CDC14A: variants seen among roughly 807,000 people sequenced by gnomAD.
CDC14A encodes dual specificity protein phosphatase CDC14A.
A neutral mutation model predicts 74.4 loss-of-function variants in CDC14A; 53 were observed. The ratio of observed to expected loss-of-function variants is 0.71; its 90% CI spans 0.57 to 0.89. The LOEUF (loss-of-function observed/expected upper bound fraction) is 0.89, where lower values mean the gene tolerates loss of function less well. CDC14A is among the 40% of genes least tolerant of loss of function. The probability of loss-of-function intolerance (pLI) is 0.00; values close to 1 mark genes in which losing one functional copy is unlikely to be tolerated. For missense variants in CDC14A, 646 were observed against 713.7 expected (o/e 0.91, Z 1.08); for synonymous variants, 247 against 258.4 (o/e 0.96, Z 0.43).
chr1:100,385,012 A>G (rs556700091), intron 3 of CDC14A, among the ~76,000 whole-genome samples: 1 of 152,350 alleles, frequency 6.6e-6, no homozygotes, highest in African/African-American at 2.4e-5. Context: ...CTAAGGTGTT[A>G]TCACCTGGAA....
chr1:100,455,134 C>T (rs1168300636), intron 7 of CDC14A, among the ~76,000 whole-genome samples: 1 of 151,978 alleles, frequency 6.6e-6, no homozygotes, highest in African/African-American at 2.4e-5. Flanking sequence ...TTGCAGTGGC[C>T]AGGAAACAAA....
intron 4 of CDC14A, among the ~76,000 whole-genome samples, chr1:100,402,788 G>A (rs1482815604): frequency 6.6e-6 from 1 of 152,080 alleles, no homozygotes. Context: ...TGCTGGTCTT[G>A]GTATATTATA....
intron 4 of CDC14A, among the ~76,000 whole-genome samples, chr1:100,421,122 C>A (rs1479362801): frequency 1.3e-5 from 2 of 152,100 alleles, no homozygotes; most frequent in Non-Finnish European, 2.9e-5. Flanking sequence ...ATTATCTGTG[C>A]AAATGCTTTT....
rs1192498499 is a variant in CDC14A, at chr1:100,413,559, AC to A, written c.310-10661del. On this transcript the variant is annotated intron_variant, in intron 4 of 15. Transcript: ENST00000336454. ...AAATACATTGGGTTGCTGGTCTACC[AC>A]CTTCTCTCTTCGAGGAGATCACAGA... is the stretch of plus-strand genomic sequence containing the variant. 3.7e-4 allele frequency among the ~76,000 whole-genome samples: 57 copies of A among 152,250 alleles called. 1 individual carries two copies. The highest frequency in any genetic ancestry group is 4.6e-4 in the Admixed American group (7 of 15,278).
chr1:100,465,915 C>T (rs1290975940), intron 9 of CDC14A, among the ~76,000 whole-genome samples: 2 of 152,162 alleles, frequency 1.3e-5, no homozygotes, highest in Non-Finnish European at 2.9e-5. Context: ...TCTTGTCATG[C>T]TGTGCCAGGG....
chr1:100,473,054 T>C (rs1319393424), intron 10 of CDC14A, among the ~76,000 whole-genome samples: 1 of 151,942 alleles, frequency 6.6e-6, no homozygotes, highest in African/African-American at 2.4e-5. Flanking sequence ...CACTTTCTTT[T>C]CCTTTTCATA....
chr1:100,373,841 A>G (rs1469503621), intron 2 of CDC14A, among the ~76,000 whole-genome samples: 2 of 151,916 alleles, frequency 1.3e-5, no homozygotes, highest in Non-Finnish European at 2.9e-5. Flanking sequence ...TTTAGGGTAC[A>G]TGTGCACAAT....
At chr1:100,431,247 G>A (rs1303449496) in intron 5 of CDC14A, among the ~76,000 whole-genome samples, 2 of 151,886 alleles carry the variant, frequency 1.3e-5, no homozygotes, top group African/African-American at 4.8e-5. Flanking sequence ...TTGTCTGCTG[G>A]AACAAGAAGG....
chr1:100,431,677 A>G (rs1255825069), intron 5 of CDC14A, among the ~76,000 whole-genome samples: 2 of 151,638 alleles, frequency 1.3e-5, no homozygotes, highest in South Asian at 2.1e-4. Context: ...CCTGGTCTCT[A>G]CAAAAAAAAA....
chr1:100,436,225 A>G (rs1336393603), intron 5 of CDC14A, among the ~76,000 whole-genome samples: 1 of 152,176 alleles, frequency 6.6e-6, no homozygotes, highest in Non-Finnish European at 1.5e-5. Context: ...CAACCATTAG[A>G]TGGTCCCGAC....
chr1:100,388,428 G>A (rs1327367224), intron 3 of CDC14A, among the ~76,000 whole-genome samples: 4 of 152,150 alleles, frequency 2.6e-5, no homozygotes, highest in African/African-American at 4.8e-5. Flanking sequence ...CAGCACCATT[G>A]GTTGTAACCT....
rs1376218411 is a variant in CDC14A at position 100,519,072 on chromosome 1, T to G, written c.*792T>G. The G allele has an allele frequency of 2.0e-5, 3 of 152,128 alleles. No individual in the cohort carries two copies. In the East Asian group the frequency reaches 5.8e-4, roughly 29 times the overall value. The allele number at this position is 152,128 out of a possible 1,614,324, so 9.4% of individuals were successfully genotyped here. A position where few individuals can be genotyped will look rare whatever the true frequency, so the allele number is the denominator to read the frequency against. On this transcript the variant is annotated 3_prime_UTR_variant, in exon 16 of 16. Coordinates refer to ENST00000336454, the MANE Select transcript of CDC14A (RefSeq NM_003672.4). ...TCACTGAATATTTCTTCTGAGAGCA[T>G]GGTTTCATGGTTTTTCTCTATGAAA...
intron 11 of CDC14A, among the ~76,000 whole-genome samples, chr1:100,493,776 A>G (rs1647360028): frequency 6.6e-6 from 1 of 152,036 alleles, no homozygotes; most frequent in African/African-American, 2.4e-5. Flanking sequence ...TTCTTTTTTA[A>G]ACTCAGAGAT....
chr1:100,407,956 TTTG>T (rs1414769253), intron 4 of CDC14A, among the ~76,000 whole-genome samples: 3 of 152,180 alleles, frequency 2.0e-5, no homozygotes. Context: ...CATGTGCAGG[TTTG>T]TTGTAGAGGT....
intron 4 of CDC14A, among the ~76,000 whole-genome samples, chr1:100,404,585 C>G (rs1659693983): frequency 6.6e-6 from 1 of 152,146 alleles, no homozygotes; most frequent in Non-Finnish European, 1.5e-5. Context: ...AATCCCAGCA[C>G]TTTGGGAGGC....
At chr1:100,499,525 A>C in intron 15 of CDC14A, 1 of 1,111,734 alleles carries the variant, frequency 9.0e-7, no homozygotes, top group Non-Finnish European at 1.2e-6. Context: ...GTTTCTCTTA[A>C]AAGGGAAATA....
intron 2 of CDC14A, among the ~76,000 whole-genome samples, chr1:100,370,297 T>TC (rs1342653559): frequency 1.3e-5 from 2 of 151,968 alleles, no homozygotes; most frequent in Non-Finnish European, 2.9e-5. Context: ...AGTTTTTTTT[T>TC]TTTTTGTAGA....
intron 4 of CDC14A, among the ~76,000 whole-genome samples, chr1:100,412,742 ATATATATATATTTTATATATATATAT>A (rs1661001271): frequency 9.3e-6 from 1 of 108,052 alleles, no homozygotes; most frequent in South Asian, 2.4e-4. Flanking sequence ...TATATATTTT[ATATATATATATTTTATATATATATAT>A]TATATATATA....
chr1:100,459,081 A>G (rs1018103374), intron 8 of CDC14A, among the ~76,000 whole-genome samples: 1 of 148,282 alleles, frequency 6.7e-6, no homozygotes, highest in African/African-American at 2.5e-5. Context: ...TCTCACTTCT[A>G]TTTAAACACA....
Sources: gnomAD v4.1 joint callset for allele counts (sites outside exome capture counted in the v4.1 genomes callset) on GRCh38, gnomAD v4.1.1 for gene constraint, MANE v1.5 for transcripts, NCBI Gene and HGNC (gene_info 2026-07-23, HGNC 2026-07-21) for gene names.